The following SLC44A5 variants were observed in gnomAD, a reference collection of about 807,000 sequenced individuals.
SLC44A5 encodes choline transporter-like protein 5.
A neutral mutation model predicts 101.8 loss-of-function variants in SLC44A5; 57 were observed. The observed-to-expected ratio is 0.56, with a 90% CI of 0.45 to 0.70. SLC44A5 has a LOEUF of 0.70. Among genes scored for constraint, SLC44A5 ranks in the 30% least tolerant of loss-of-function variants. The pLI is 0.00. For missense variants in SLC44A5, 737 were observed against 853.1 expected (o/e 0.86, Z 1.70); for synonymous variants, 281 against 290.9 (o/e 0.97, Z 0.35).
chr1:75,221,963 T>C lies in SLC44A5; in HGVS notation c.1085+398A>G, dbSNP rs989234575. Among the ~76,000 whole-genome samples, 15 of 150,524 alleles carry C rather than the reference T, an allele frequency of 1.0e-4. No homozygotes were observed. The East Asian group carries it at 2.1e-3, about 21-fold the overall frequency. ...TTCTTTTAAAAGTCTTCTTCTTCTT[T>C]TTTTTTTTTTTTTGAGACAGAGTTT... On this transcript the variant is annotated intron_variant, in intron 14 of 23. Transcript: ENST00000370859.
intron 5 of SLC44A5, among the ~76,000 whole-genome samples, chr1:75,286,619 C>T (rs181344215): frequency 3.3e-5 from 5 of 152,130 alleles, no homozygotes; most frequent in East Asian, 1.9e-4. Flanking sequence ...TTTGAGGATT[C>T]GTTTCAAGAT....
At chr1:75,503,190 A>G (rs1166239641) in intron 2 of SLC44A5, among the ~76,000 whole-genome samples, 1 of 152,106 alleles carries the variant, frequency 6.6e-6, no homozygotes, top group African/African-American at 2.4e-5. Flanking sequence ...AGGCCAATTA[A>G]CACTTCTCCT....
At chr1:75,690,999 A>G in the SLC44A5 span, among the ~76,000 whole-genome samples, 1 of 151,962 alleles carries the variant, frequency 6.6e-6, no homozygotes, top group South Asian at 2.1e-4. Context: ...AAGGAAAAAA[A>G]AAAGAAACCC....
intron 3 of SLC44A5, among the ~76,000 whole-genome samples, chr1:75,368,993 G>A (rs1365598701): frequency 6.7e-6 from 1 of 148,470 alleles, no homozygotes; most frequent in East Asian, 2.1e-4. Flanking sequence ...AAAGCAAAAA[G>A]TGATTCGTTC....
chr1:75,315,117 T>C (rs10493571), intron 4 of SLC44A5, among the ~76,000 whole-genome samples: 60,076 of 151,982 alleles, frequency 0.4, 12,436 homozygotes, highest in East Asian at 0.82. Context: ...TATGCAGTAT[T>C]TGTAAAGCAC....
intron 2 of SLC44A5, among the ~76,000 whole-genome samples, chr1:75,407,231 C>T (rs1352451463): frequency 6.6e-6 from 1 of 152,134 alleles, no homozygotes; most frequent in Non-Finnish European, 1.5e-5. Flanking sequence ...AATGGAAGAA[C>T]ATTCCATGCT....
chr1:75,240,842 T>C lies in SLC44A5; in HGVS notation c.532+1159A>G, dbSNP rs1157554572. The stretch of plus-strand genomic sequence containing the variant: ...AGAAGAGTGAAATTTCCCACAGTTT[T>C]GCCACTCCCAAAATGACTACTTAAT... On this transcript the variant is annotated intron_variant, in intron 9 of 23. Transcript: ENST00000370859. Among the ~76,000 whole-genome samples, 3 of 152,096 alleles carry C rather than the reference T, an allele frequency of 2.0e-5. No individual in the cohort carries two copies. In the East Asian group the frequency reaches 5.8e-4, roughly 29 times the overall value.
chr1:75,644,596 A>G, the SLC44A5 span, among the ~76,000 whole-genome samples: 1 of 151,508 alleles, frequency 6.6e-6, no homozygotes, highest in South Asian at 2.1e-4. Flanking sequence ...TTAACAACAA[A>G]AAAAAGCCTA....
chr1:75,403,559 T>A (rs1662646386), intron 2 of SLC44A5, among the ~76,000 whole-genome samples: 1 of 152,084 alleles, frequency 6.6e-6, no homozygotes, highest in South Asian at 2.1e-4. Context: ...GAAAACAGGG[T>A]CTGGAGTGGA....
At chr1:75,314,912 C>T (rs1655578965) in intron 4 of SLC44A5, among the ~76,000 whole-genome samples, 1 of 152,094 alleles carries the variant, frequency 6.6e-6, no homozygotes. Context: ...TCTCATCATG[C>T]TGCAAAGAGA....
rs376903223 is a variant in SLC44A5, at chr1:75,357,390, C to A, written c.53-17760G>T. On this transcript the variant is annotated intron_variant, in intron 3 of 23. Transcript: ENST00000370859. The stretch of plus-strand genomic sequence containing the variant: ...TTCATTTCAACCTCTGAAAAGGTTT[C>A]TCTGAGCACTGAGTAGAATTGAAAT... 7.9e-5 allele frequency among the ~76,000 whole-genome samples: 12 copies of A among 152,252 alleles called. No individual in the cohort carries two copies. In the South Asian group the frequency reaches 2.5e-3, roughly 32 times the overall value.
chr1:75,598,251 CTAT>C (rs1674767618), intron 1 of SLC44A5, among the ~76,000 whole-genome samples: 1 of 151,842 alleles, frequency 6.6e-6, no homozygotes, highest in Admixed American at 6.6e-5. Flanking sequence ...GTCAGAATGG[CTAT>C]TATTAAGAAG....
chr1:75,635,294 C>A, the SLC44A5 span, among the ~76,000 whole-genome samples: 1 of 151,790 alleles, frequency 6.6e-6, no homozygotes, highest in East Asian at 2.0e-4. Flanking sequence ...TTTGACCCAG[C>A]CATCCCATTA....
chr1:75,545,833 T>G (rs1336044566), intron 1 of SLC44A5, among the ~76,000 whole-genome samples: 2 of 151,864 alleles, frequency 1.3e-5, no homozygotes, highest in East Asian at 3.9e-4. Flanking sequence ...TCTTTTTTTT[T>G]TTTTCTTTGA....
chr1:75,608,488 G>A (rs1194241361), intron 1 of SLC44A5, among the ~76,000 whole-genome samples: 10 of 151,768 alleles, frequency 6.6e-5, no homozygotes, highest in East Asian at 5.8e-4. Context: ...CAACACAGTC[G>A]CCGTAGCAAT....
chr1:75,346,643 A>T (rs1209969445), intron 3 of SLC44A5, among the ~76,000 whole-genome samples: 1 of 152,168 alleles, frequency 6.6e-6, no homozygotes, highest in Non-Finnish European at 1.5e-5. Context: ...TTCTGAATCA[A>T]TAGTGATTTA....
the SLC44A5 span, among the ~76,000 whole-genome samples, chr1:75,671,976 C>T: frequency 2.6e-5 from 4 of 152,228 alleles, no homozygotes; most frequent in East Asian, 7.7e-4. Context: ...ACTTGGAGGA[C>T]GTAGAGCAAC....
intron 3 of SLC44A5, 28 bp downstream of exon 3, chr1:75,396,555 A>G (rs1662133785): frequency 2.6e-6 from 4 of 1,556,896 alleles, no homozygotes; most frequent in Non-Finnish European, 3.5e-6. Context: ...AAAGATTCTT[A>G]GCACTTAATA....
At chr1:75,240,801 T>C (rs1648556680) in intron 9 of SLC44A5, among the ~76,000 whole-genome samples, 1 of 151,986 alleles carries the variant, frequency 6.6e-6, no homozygotes, top group South Asian at 2.1e-4. Context: ...AGAAAGTGAA[T>C]AAATAGAAAA....
Sources: allele counts gnomAD v4.1 joint callset (sites outside exome capture counted in the v4.1 genomes callset), GRCh38; gene constraint gnomAD v4.1.1; transcripts MANE v1.5; gene names NCBI Gene and HGNC (gene_info 2026-07-23, HGNC 2026-07-21).